The following CACNA1C variants were observed in gnomAD, a reference collection of about 807,000 sequenced individuals.
The protein encoded by CACNA1C is calcium voltage-gated channel subunit alpha1 C, also known as voltage-dependent L-type calcium channel subunit alpha-1C.
In CACNA1C, 30 loss-of-function variants were observed where a neutral mutation model predicts 229.0. The observed-to-expected ratio is 0.13, with a 90% CI of 0.10 to 0.18. CACNA1C has a LOEUF of 0.18. Ranked by LOEUF, CACNA1C falls within the 10% of genes least tolerant of loss-of-function variation. The pLI is 1.00. For synonymous variants in CACNA1C, 1,114 were observed against 1,132.5 expected, an observed-to-expected ratio of 0.98 and a Z score of 0.33; for missense variants, 1,658 against 2,845.0, an observed-to-expected ratio of 0.58 and a Z score of 9.49.
In CACNA1C at chr12:2,271,044, G is replaced by A. The variant is rs537028868; in HGVS notation, c.477+150614G>A. On this transcript the variant is annotated intron_variant, in intron 3 of 46. Transcript: ENST00000399655. ...GGGTAATGGCAGACACTTTTCTTTC[G>A]CATCCAGCTGTCTCTTCCTCTTCTG... is the stretch of plus-strand genomic sequence containing the variant. Among the ~76,000 whole-genome samples the A allele has an allele frequency of 9.5e-4, 144 of 152,192 alleles. 1 individual carries two copies. The highest frequency in any genetic ancestry group is 3.2e-3 in the African/African-American group (134 of 41,520).
chr12:2,137,208 T>G (rs1038497865), intron 3 of CACNA1C, among the ~76,000 whole-genome samples: 2 of 151,034 alleles, frequency 1.3e-5, no homozygotes, highest in African/African-American at 4.8e-5. Flanking sequence ...AGTAAGAGAG[T>G]GCTGAGCTGC....
chr12:2,696,733 G>T lies in CACNA1C; in HGVS notation c.*5534G>T, dbSNP rs2097845099. ...TGTTTGGGTCTGGAGAATTCCCATT[G>T]TGGAAATCTTAGAGATCTCAAGTTT... On this transcript the variant is annotated 3_prime_UTR_variant, in exon 47 of 47. Transcript: ENST00000399655. The T allele has an allele frequency of 6.6e-6, 1 of 152,042 alleles. No individual in the cohort carries two copies. The highest frequency in any genetic ancestry group is 1.5e-5 in the Non-Finnish European group (1 of 68,022). 9.4% of individuals were successfully genotyped at this position (152,042 alleles called of 1,614,324 possible).
intron 18 of CACNA1C, among the ~76,000 whole-genome samples, chr12:2,591,014 C>A (rs2065032918): frequency 6.6e-6 from 1 of 152,130 alleles, no homozygotes; most frequent in South Asian, 2.1e-4. Context: ...ACAAGAACTC[C>A]AACTCTTGTC....
intron 1 of CACNA1C, 92 bp from the exon 2 acceptor site, chr12:2,115,132 T>C: frequency 9.5e-7 from 1 of 1,053,692 alleles, no homozygotes; most frequent in East Asian, 2.6e-5. Flanking sequence ...AATAAGGTTT[T>C]GAAAAAATTG....
At position 2,106,319 on chromosome 12, in the gene CACNA1C, C is replaced by T. The variant is rs377188534; in HGVS notation, c.50-8905C>T. On this transcript the variant is annotated intron_variant, in intron 1 of 46. Transcript: ENST00000399655. The stretch of plus-strand genomic sequence containing the variant: ...TCTGGGGCGTCCTGAAGCCACTGGG[C>T]ACCCACCCCGGGGAGGGTTTCCACC... Among the ~76,000 whole-genome samples the T allele has an allele frequency of 4.5e-4, 21 of 46,774 alleles. 6 individuals are homozygous for T. Among genetic ancestry groups the T allele is most frequent in the Admixed American group, 2.8e-3 (13 of 4,624 alleles). The allele number at this position is 46,774 out of a possible 152,430, so 30.7% of individuals were successfully genotyped here. A position where few individuals can be genotyped will look rare whatever the true frequency, so the allele number is the denominator to read the frequency against.
At chr12:2,219,625 C>T (rs1307430660) in intron 3 of CACNA1C, among the ~76,000 whole-genome samples, 1 of 152,178 alleles carries the variant, frequency 6.6e-6, no homozygotes, top group Non-Finnish European at 1.5e-5. Flanking sequence ...GAGGAAGAAG[C>T]TCCAGCCCGT....
chr12:2,227,896 A>G (rs904524733), intron 3 of CACNA1C, among the ~76,000 whole-genome samples: 2 of 152,222 alleles, frequency 1.3e-5, no homozygotes, highest in African/African-American at 4.8e-5. Flanking sequence ...ACATATGGTA[A>G]TTATTTTTAA....
intron 3 of CACNA1C, among the ~76,000 whole-genome samples, chr12:2,395,222 T>C (rs1353186559): frequency 6.6e-6 from 1 of 150,942 alleles, no homozygotes; most frequent in Admixed American, 6.6e-5. Flanking sequence ...TTTTTTTTTT[T>C]TTTTTTAAAT....
chr12:2,464,170 A>G (rs1263962570), intron 5 of CACNA1C, among the ~76,000 whole-genome samples: 1 of 152,180 alleles, frequency 6.6e-6, no homozygotes, highest in Non-Finnish European at 1.5e-5. Flanking sequence ...ACTTGATCTG[A>G]TGATGAAAGG....
intron 3 of CACNA1C, among the ~76,000 whole-genome samples, chr12:2,390,013 A>G (rs1290887715): frequency 6.6e-6 from 1 of 152,188 alleles, no homozygotes; most frequent in Non-Finnish European, 1.5e-5. Flanking sequence ...TCTCTCAAGA[A>G]TATTTCTAGA....
At chr12:2,051,302 C>A (rs1255001458), upstream of CACNA1C, among the ~76,000 whole-genome samples, 1 of 152,156 alleles carries the variant, frequency 6.6e-6, no homozygotes, top group African/African-American at 2.4e-5. Context: ...AGCCAGGAGG[C>A]TAGTGTATCC....
chr12:2,686,862 T>G (rs183807008), intron 45 of CACNA1C, among the ~76,000 whole-genome samples: 2 of 152,340 alleles, frequency 1.3e-5, no homozygotes, highest in South Asian at 2.1e-4. Context: ...TCTTTGAACT[T>G]CAGTGTTATC....
intron 31 of CACNA1C, chr12:2,650,917 C>T (rs914682288): frequency 1.3e-5 from 2 of 152,384 alleles, no homozygotes; most frequent in Non-Finnish European, 1.5e-5. Context: ...GGGTTGGAGC[C>T]TCCTAGAGGC....
intron 3 of CACNA1C, among the ~76,000 whole-genome samples, chr12:2,242,240 G>A (rs1245684186): frequency 6.6e-6 from 1 of 152,198 alleles, no homozygotes; most frequent in African/African-American, 2.4e-5. Flanking sequence ...GCTGAAATAA[G>A]CAAGAAAGGT....
chr12:2,159,017 A>G (rs902331462), intron 3 of CACNA1C, among the ~76,000 whole-genome samples: 2 of 152,116 alleles, frequency 1.3e-5, no homozygotes, highest in African/African-American at 4.8e-5. Context: ...TGAGGAAAAA[A>G]CCTTAAAAAT....
Position 2,596,010 on chromosome 12 carries a change from A to G in CACNA1C, c.2793+7A>G, listed in dbSNP as rs371643663. On this transcript the variant is annotated splice_region_variant and intron_variant, in intron 20 of 46. Transcript: ENST00000399655. Reference sequence around the variant, plus strand: ...CACCTCCTTCAGGAACCATGTATGCATCGCCTGTGTCTTCTGCACTCCTTC... The same window carrying G: ...CACCTCCTTCAGGAACCATGTATGCGTCGCCTGTGTCTTCTGCACTCCTTC... 102 of 1,610,328 alleles carry G rather than the reference A, an allele frequency of 6.3e-5. No homozygotes were observed. Among genetic ancestry groups the G allele is most frequent in the Non-Finnish European group, 8.5e-5 (100 of 1,177,896 alleles).
intron 3 of CACNA1C, among the ~76,000 whole-genome samples, chr12:2,334,122 C>G (rs1184249389): frequency 2.0e-5 from 3 of 152,192 alleles, no homozygotes; most frequent in Non-Finnish European, 4.4e-5. Flanking sequence ...GAGGTGGGCC[C>G]TCCATGCTTA....
chr12:2,126,414 C>T (rs772453731), intron 3 of CACNA1C, among the ~76,000 whole-genome samples: 1 of 152,230 alleles, frequency 6.6e-6, no homozygotes, highest in Non-Finnish European at 1.5e-5. Flanking sequence ...GTCTGTTGAA[C>T]AAGCTCTGCA....
chr12:2,243,291 G>T (rs1466564567), intron 3 of CACNA1C, among the ~76,000 whole-genome samples: 1 of 152,190 alleles, frequency 6.6e-6, no homozygotes, highest in East Asian at 1.9e-4. Context: ...GTGCAGAGAG[G>T]CCCATAGAAT....
Sources: gnomAD v4.1 joint callset for allele counts (sites outside exome capture counted in the v4.1 genomes callset) on GRCh38, gnomAD v4.1.1 for gene constraint, MANE v1.5 for transcripts, NCBI Gene and HGNC (gene_info 2026-07-23, HGNC 2026-07-21) for gene names.